Variants in SDSL observed in about 807,000 individuals in gnomAD.
The protein encoded by SDSL is serine dehydratase like.
Under a neutral mutation model 27.6 loss-of-function variants are expected in SDSL, and 26 were observed. That is an observed-to-expected ratio of 0.94 (90% CI 0.69 to 1.31). SDSL has a LOEUF of 1.31. Among genes scored for constraint, SDSL ranks in the 50% most tolerant of loss-of-function variants. The pLI is 0.00. For missense variants in SDSL, 431 were observed against 423.5 expected, an observed-to-expected ratio of 1.02 and a Z score of -0.16; for synonymous variants, 196 against 180.6, an observed-to-expected ratio of 1.09 and a Z score of -0.69.
rs1053286181 is a variant in SDSL at position 113,435,409 on chromosome 12, G to T, written c.524G>T (p.Gly175Val). The change falls in exon 6 of 8, where the codon GGT (glycine) becomes GTT (valine). Residue 175 changes from glycine to valine, a missense_variant. Gly to Val is a moderately radical substitution (Grantham distance 109). Coordinates refer to ENST00000403593, the MANE Select transcript of SDSL (RefSeq NM_001304993.2). ...GGTGCCCTGGTGCTGGCAGTTGGGG[G>T]TGGGGGTCTCCTGGCCGGGGTGGTG... ...PPGALVLAVG[G>V]GGLLAGVVAG... is the part of the protein sequence containing the mutation. 6.2e-7 allele frequency: 1 copy of T among 1,612,472 alleles called. No homozygotes were observed. The highest frequency in any genetic ancestry group is 8.5e-7 in the Non-Finnish European group (1 of 1,179,384).
rs1301871752 is a variant in SDSL at position 113,437,976 on chromosome 12, G to A, written c.887G>A (p.Cys296Tyr). The A allele has an allele frequency of 1.2e-6, 2 of 1,614,144 alleles. No individual in the cohort carries two copies. Among genetic ancestry groups the A allele is most frequent in the South Asian group, 1.1e-5 (1 of 91,084 alleles). ...CTGCGGAGGCTCCAGGCCGAGGGCT[G>A]CCTGCCCCCTTCCCTGACTTCAGTT... ...GLLRRLQAEG[C>Y]LPPSLTSVVV... The change falls in exon 8 of 8, where the codon TGC (cysteine) becomes TAC (tyrosine). Residue 296 changes from cysteine to tyrosine, a missense_variant. Cys to Tyr is a radical substitution (Grantham distance 194). Transcript: ENST00000403593.
intron 3 of SDSL, 26 bp downstream of exon 3, chr12:113,428,485 G>T (rs781111497): frequency 6.2e-7 from 1 of 1,605,938 alleles, no homozygotes. Flanking sequence ...TTTGTTTCAT[G>T]GGCAGAGGTT....
intron 1 of SDSL, among the ~76,000 whole-genome samples, chr12:113,425,045 C>T (rs1290387724): frequency 6.6e-6 from 1 of 152,124 alleles, no homozygotes; most frequent in Non-Finnish European, 1.5e-5. Context: ...CAATGTTATT[C>T]TTATTAACTT....
At chr12:113,432,990 T>G (rs1378565624) in intron 4 of SDSL, among the ~76,000 whole-genome samples, 1 of 152,208 alleles carries the variant, frequency 6.6e-6, no homozygotes, top group African/African-American at 2.4e-5. Context: ...CAAATGCAGA[T>G]CTTTTTGGTA....
chr12:113,429,172 G>A lies in SDSL; in HGVS notation c.227G>A (p.Gly76Asp), dbSNP rs150478809. ...CCTTTCTGCACAGGGGGTAATGCGG[G>A]CATCGCTGCTGCCTATGCTGCTAGG... ...HLVCSSGGNA[G>D]IAAAYAARKL... Residue 76 changes from glycine to aspartate, a missense_variant, in exon 4 of 8, where the codon GGC (glycine) becomes GAC (aspartate). By Grantham distance (94) the Gly-to-Asp change is moderately conservative (BLOSUM62 -1). Coordinates refer to ENST00000403593, the MANE Select transcript of SDSL (RefSeq NM_001304993.2). 2.3e-4 allele frequency: 377 copies of A among 1,613,132 alleles called. No individual in the cohort carries two copies. Among genetic ancestry groups the A allele is most frequent in the Non-Finnish European group, 3.0e-4 (359 of 1,179,568 alleles).
intron 1 of SDSL, chr12:113,425,721 G>T (rs1158549727): frequency 2.2e-6 from 1 of 455,892 alleles, no homozygotes; most frequent in South Asian, 1.5e-5. Flanking sequence ...GGCTGAGCGC[G>T]GTGGCTCACG....
chr12:113,427,628 C>T (rs1957864604), intron 1 of SDSL, among the ~76,000 whole-genome samples: 4 of 152,156 alleles, frequency 2.6e-5, no homozygotes, highest in Admixed American at 2.6e-4. Context: ...CCTGGAAATG[C>T]CTGGCACATA....
chr12:113,437,750 T>G (rs1958015948), intron 7 of SDSL, 136 bp from the exon 8 acceptor site: 2 of 766,032 alleles, frequency 2.6e-6, no homozygotes, highest in South Asian at 3.5e-5. Context: ...AGACAAGTGA[T>G]GGATTGCCAG....
At chr12:113,422,899 T>C (rs1387175044) in intron 1 of SDSL, 1 of 152,292 alleles carries the variant, frequency 6.6e-6, no homozygotes, top group Admixed American at 6.5e-5. Flanking sequence ...TAAGGCCCAG[T>C]GACAAAAGTG....
At chr12:113,430,572 A>C (rs948325745) in intron 4 of SDSL, among the ~76,000 whole-genome samples, 2 of 152,122 alleles carry the variant, frequency 1.3e-5, no homozygotes, top group South Asian at 4.1e-4. Context: ...TCTCAAGGGC[A>C]ATGGCAAGAG....
intron 1 of SDSL, 51 bp from the exon 2 acceptor site, chr12:113,427,911 G>A (rs1957868633): frequency 1.3e-6 from 2 of 1,517,452 alleles, no homozygotes; most frequent in Non-Finnish European, 8.9e-7. Flanking sequence ...TCCTGGTTAA[G>A]GGAACTCTTG....
intron 1 of SDSL, among the ~76,000 whole-genome samples, chr12:113,423,382 T>A (rs1957813607): frequency 6.6e-6 from 1 of 152,188 alleles, no homozygotes; most frequent in Non-Finnish European, 1.5e-5. Flanking sequence ...TGAACTTGGA[T>A]AAGTTACTTA....
At chr12:113,431,659 C>T (rs773300581) in intron 4 of SDSL, among the ~76,000 whole-genome samples, 5 of 150,762 alleles carry the variant, frequency 3.3e-5, no homozygotes, top group South Asian at 2.1e-4. Flanking sequence ...CTGCAACCTC[C>T]GCCTCCCAAG....
intron 1 of SDSL, chr12:113,425,753 G>C (rs751771290): frequency 4.4e-6 from 2 of 455,696 alleles, no homozygotes; most frequent in South Asian, 1.6e-5. Flanking sequence ...AGCACTTCGG[G>C]AGGCCGAGGT....
chr12:113,430,621 C>T (rs1171160810), intron 4 of SDSL, among the ~76,000 whole-genome samples: 1 of 152,146 alleles, frequency 6.6e-6, no homozygotes, highest in Non-Finnish European at 1.5e-5. Context: ...AAGACCTCAG[C>T]CCAGAACTGT....
intron 5 of SDSL, among the ~76,000 whole-genome samples, chr12:113,434,975 C>T (rs1957970405): frequency 6.6e-6 from 1 of 152,098 alleles, no homozygotes; most frequent in Non-Finnish European, 1.5e-5. Flanking sequence ...ATTAGCTGGG[C>T]GTGGTGGTGC....
In SDSL at chr12:113,438,172, A is replaced by C; in HGVS notation, c.*93A>C. 1.7e-6 allele frequency: 2 copies of C among 1,145,494 alleles called. No homozygotes were observed. Among genetic ancestry groups the C allele is most frequent in the Non-Finnish European group, 2.5e-6 (2 of 805,348 alleles). The allele number at this position is 1,145,494 out of a possible 1,614,324, so 71.0% of individuals were successfully genotyped here. ...ACTCAGTGCTGGCAGATGGCAGTGG[A>C]AGCTGCCCTGTGCAACTGTGCTGGC... On this transcript the variant is annotated 3_prime_UTR_variant, in exon 8 of 8. Coordinates refer to ENST00000403593, the MANE Select transcript of SDSL (RefSeq NM_001304993.2).
intron 6 of SDSL, among the ~76,000 whole-genome samples, chr12:113,436,141 C>T (rs1957989787): frequency 6.6e-6 from 1 of 152,058 alleles, no homozygotes; most frequent in African/African-American, 2.4e-5. Context: ...TCCCCCAAAC[C>T]CCCCAAAAGC....
Position 113,438,005 on chromosome 12 carries a change from G to A in SDSL, c.916G>A (p.Val306Ile). The change falls in exon 8 of 8, where the codon GTA becomes ATA. Residue 306 changes from valine to isoleucine, a missense_variant. By Grantham distance (29) the Val-to-Ile change is conservative. Coordinates refer to ENST00000403593, the MANE Select transcript of SDSL (RefSeq NM_001304993.2). ...GCCCCCTTCCCTGACTTCAGTTGTGGTAATCGTGTGTGGAGGCAACAACAT... is the reference window on the plus strand; with the variant it reads ...GCCCCCTTCCCTGACTTCAGTTGTGATAATCGTGTGTGGAGGCAACAACAT... Reference protein sequence around the residue: ...CLPPSLTSVVVIVCGGNNINS... With the variant: ...CLPPSLTSVVIIVCGGNNINS... 1 of 1,614,182 alleles carries A rather than the reference G, an allele frequency of 6.2e-7. No homozygotes were observed. Among genetic ancestry groups the A allele is most frequent in the South Asian group, 1.1e-5 (1 of 91,080 alleles).
Sources: gnomAD v4.1 joint callset for allele counts (sites outside exome capture counted in the v4.1 genomes callset) on GRCh38, gnomAD v4.1.1 for gene constraint, MANE v1.5 for transcripts, NCBI Gene and HGNC (gene_info 2026-07-23, HGNC 2026-07-21) for gene names.